The following NPAT variants were observed in gnomAD, a reference collection of about 807,000 sequenced individuals.
The protein encoded by NPAT is protein NPAT.
A neutral mutation model predicts 130.7 loss-of-function variants in NPAT; 52 were observed. That is an observed-to-expected ratio of 0.40 (90% CI 0.32 to 0.50). NPAT has a LOEUF of 0.50. Among genes scored for constraint, NPAT ranks in the 20% least tolerant of loss-of-function variants. NPAT has a pLI of 0.68. For missense variants in NPAT, 1,687 were observed against 1,662.6 expected, an observed-to-expected ratio of 1.01 and a Z score of -0.26; for synonymous variants, 580 against 584.8, an observed-to-expected ratio of 0.99 and a Z score of 0.12.
chr11:108,163,228 C>T (rs1973723), intron 15 of NPAT, among the ~76,000 whole-genome samples: 75,021 of 151,846 alleles, frequency 0.49, 20,089 homozygotes, highest in Middle Eastern at 0.73. Flanking sequence ...TACAGGTGCA[C>T]GCTGCCACGC....
chr11:108,216,315 T>C (rs776983666), intron 1 of NPAT, among the ~76,000 whole-genome samples: 2 of 152,138 alleles, frequency 1.3e-5, no homozygotes, highest in Non-Finnish European at 2.9e-5. Context: ...TTAAAGTAGA[T>C]TTGCTTTCCC....
intron 8 of NPAT, 114 bp downstream of exon 8, chr11:108,186,368 A>C: frequency 2.5e-6 from 2 of 788,658 alleles, no homozygotes; most frequent in South Asian, 3.0e-5. Context: ...GATATCTATA[A>C]ACTTACTCCT....
intron 1 of NPAT, among the ~76,000 whole-genome samples, chr11:108,222,180 T>C (rs1446908228): frequency 6.6e-6 from 1 of 152,198 alleles, no homozygotes; most frequent in Non-Finnish European, 1.5e-5. Flanking sequence ...CCGTCCGTCA[T>C]GCAGACAAAT....
intron 1 of NPAT, among the ~76,000 whole-genome samples, chr11:108,215,205 ATTAC>A (rs1439686246): frequency 6.6e-6 from 1 of 152,196 alleles, no homozygotes; most frequent in African/African-American, 2.4e-5. Flanking sequence ...CCTTATAGGT[ATTAC>A]TTAATACTTA....
In NPAT at chr11:108,173,223, T is replaced by G. The variant is rs1454039923; in HGVS notation, c.1761A>C (p.Pro587=). 6.2e-7 allele frequency: 1 copy of G among 1,613,366 alleles called. No homozygotes were observed. Among genetic ancestry groups the G allele is most frequent in the East Asian group, 2.2e-5 (1 of 44,866 alleles). ...KSKIEINVLE[P]VMSQLSNCQD... Reference sequence around the variant, plus strand: ...GGCAATTTGATAGCTGTGACATAACTGGTTCTAACACATTAATTTCTATTT... The same window carrying G: ...GGCAATTTGATAGCTGTGACATAACGGGTTCTAACACATTAATTTCTATTT... Residue 587 remains proline, a synonymous_variant, in exon 13 of 18, where the codon CCA becomes CCC. Coordinates refer to ENST00000278612, the MANE Select transcript of NPAT (RefSeq NM_002519.3).
intron 13 of NPAT, chr11:108,171,993 C>G: frequency 1.7e-6 from 1 of 574,006 alleles, no homozygotes; most frequent in Non-Finnish European, 3.1e-6. Flanking sequence ...AGAAAAACCA[C>G]TAAAGCCCAT....
intron 15 of NPAT, among the ~76,000 whole-genome samples, chr11:108,167,627 A>C (rs1309653850): frequency 6.6e-6 from 1 of 152,210 alleles, no homozygotes; most frequent in Non-Finnish European, 1.5e-5. Context: ...TTAATAATTA[A>C]TTTACTGGTG....
intron 2 of NPAT, among the ~76,000 whole-genome samples, chr11:108,196,138 T>G (rs1283903315): frequency 6.6e-6 from 1 of 152,240 alleles, no homozygotes; most frequent in Non-Finnish European, 1.5e-5. Flanking sequence ...TGGTTAATTT[T>G]TGCATAAGGT....
rs1459835043 is a variant in NPAT, at chr11:108,170,228, A to G, written c.2786-185T>C. The G allele has an allele frequency of 1.9e-5, 11 of 574,434 alleles. No individual in the cohort carries two copies. The East Asian group carries it at 3.4e-4, about 18-fold the overall frequency. The allele number at this position is 574,434 out of a possible 1,614,324, so 35.6% of individuals were successfully genotyped here. A position where few individuals can be genotyped will look rare whatever the true frequency, so the allele number is the denominator to read the frequency against. On this transcript the variant is annotated intron_variant, in intron 13 of 17. Transcript: ENST00000278612. ...AAAAAAACGAAACTGAAACAGTTTT[A>G]GGAAAAACAGCAAGGCTAACAAATT... is the stretch of plus-strand genomic sequence containing the variant.
At chr11:108,196,962 A>G (rs1174498959) in intron 2 of NPAT, among the ~76,000 whole-genome samples, 1 of 152,228 alleles carries the variant, frequency 6.6e-6, no homozygotes, top group Non-Finnish European at 1.5e-5. Context: ...TGACAATAAT[A>G]TATCAAAATA....
At chr11:108,169,890 A>C (rs1200656609) in intron 14 of NPAT, 38 bp from the exon 15 acceptor site, 1 of 1,609,944 alleles carries the variant, frequency 6.2e-7, no homozygotes, top group Admixed American at 1.7e-5. Flanking sequence ...CTAAGCTTGA[A>C]AAGCATCACC....
intron 2 of NPAT, among the ~76,000 whole-genome samples, chr11:108,195,550 G>C (rs1424615742): frequency 2.0e-5 from 3 of 151,666 alleles, no homozygotes; most frequent in Non-Finnish European, 3.0e-5. Context: ...TTTGGTTTTT[G>C]TTGTTAAGTT....
chr11:108,201,813 C>G (rs1044130740), intron 1 of NPAT, among the ~76,000 whole-genome samples: 2 of 152,204 alleles, frequency 1.3e-5, no homozygotes, highest in Admixed American at 1.3e-4. Context: ...CTTCCCTAAA[C>G]CCAGCAACTT....
At chr11:108,177,689 A>C (rs1290391439) in intron 10 of NPAT, among the ~76,000 whole-genome samples, 1 of 149,904 alleles carries the variant, frequency 6.7e-6, no homozygotes, top group Non-Finnish European at 1.5e-5. Context: ...TACGTATATA[A>C]ATGGAAATAA....
chr11:108,161,496 C>A lies in NPAT; in HGVS notation c.3590G>T (p.Ser1197Ile). 1.9e-6 allele frequency: 3 copies of A among 1,614,204 alleles called. No individual in the cohort carries two copies. The highest frequency in any genetic ancestry group is 2.5e-6 in the Non-Finnish European group (3 of 1,180,022). Residue 1197 changes from serine to isoleucine, a missense_variant, in exon 17 of 18, where the codon AGT becomes ATT. Physicochemically the swap from Ser to Ile is moderately radical, Grantham distance 142. Coordinates refer to ENST00000278612, the MANE Select transcript of NPAT (RefSeq NM_002519.3). ...TTGCAGTGAAGCTATAGATTTCTCA[C>A]TTCGCAAACCCCCATTTTGCTGCCC... ...SIGQQNGGLR[S>I]EKSIASLQEM...
intron 15 of NPAT, among the ~76,000 whole-genome samples, chr11:108,163,746 G>A (rs1268283671): frequency 1.3e-5 from 2 of 152,184 alleles, no homozygotes; most frequent in East Asian, 3.8e-4. Flanking sequence ...AACAGTTATA[G>A]AGAAAGCAAA....
intron 17 of NPAT, 150 bp from the exon 18 acceptor site, chr11:108,159,169 G>A (rs2077822675): frequency 1.7e-6 from 1 of 591,224 alleles, no homozygotes; most frequent in Non-Finnish European, 3.0e-6. Context: ...CTATAGAGAA[G>A]TAGAGACAAG....
At chr11:108,164,951 C>T in intron 15 of NPAT, among the ~76,000 whole-genome samples, 1 of 152,112 alleles carries the variant, frequency 6.6e-6, no homozygotes, top group East Asian at 1.9e-4. Context: ...GTGGAGGTTG[C>T]AGAGAGCTGA....
intron 1 of NPAT, among the ~76,000 whole-genome samples, chr11:108,207,006 C>A (rs1056440855): frequency 6.6e-5 from 10 of 152,104 alleles, no homozygotes; most frequent in African/African-American, 2.4e-4. Flanking sequence ...AGAGAGGAGA[C>A]CCACAGTGGG....
Sources: allele counts gnomAD v4.1 joint callset (sites outside exome capture counted in the v4.1 genomes callset), GRCh38; gene constraint gnomAD v4.1.1; transcripts MANE v1.5; gene names NCBI Gene and HGNC (gene_info 2026-07-23, HGNC 2026-07-21).